MCM6: variants seen among roughly 807,000 people sequenced by gnomAD.
The protein encoded by MCM6 is minichromosome maintenance complex component 6.
A neutral mutation model predicts 94.3 loss-of-function variants in MCM6; 46 were observed. The observed-to-expected ratio is 0.49, with a 90% CI of 0.39 to 0.62. MCM6 has a LOEUF of 0.62. Ranked by LOEUF, MCM6 falls within the 20% of genes least tolerant of loss-of-function variation. The pLI, the probability that MCM6 is intolerant of heterozygous loss-of-function variation, is 0.00. For synonymous variants in MCM6, 335 were observed against 351.9 expected (o/e 0.95, Z 0.54); for missense variants, 865 against 1,017.9 (o/e 0.85, Z 2.04).
At chr2:135,873,083 T>C (rs889230109) in intron 1 of MCM6, among the ~76,000 whole-genome samples, 2 of 152,156 alleles carry the variant, frequency 1.3e-5, no homozygotes, top group Admixed American at 1.3e-4. Flanking sequence ...AATTGAAGCA[T>C]GGGGACAAGT....
At chr2:135,866,033 T>C in intron 6 of MCM6, 99 bp downstream of exon 6, 2 of 1,330,510 alleles carry the variant, frequency 1.5e-6, no homozygotes, top group Non-Finnish European at 1.0e-6. Context: ...GCCCAGAAAG[T>C]GGAGGCTACA....
intron 9 of MCM6, among the ~76,000 whole-genome samples, chr2:135,858,661 T>C (rs887331955): frequency 2.0e-5 from 3 of 152,170 alleles, no homozygotes; most frequent in African/African-American, 7.2e-5. Flanking sequence ...ACCACACAAT[T>C]GACTTAAAAC....
At position 135,870,623 on chromosome 2, in the gene MCM6, ACT is replaced by A. The variant is rs753789170; in HGVS notation, c.255-264_255-263del. ...ACATAAATAATCATACAGCACCCACACTGTTGGCCATTCCTCTGTCCAAGATG... is the reference window on the plus strand; with the variant it reads ...ACATAAATAATCATACAGCACCCACAGTTGGCCATTCCTCTGTCCAAGATG... On this transcript the variant is annotated intron_variant, in intron 2 of 16. Coordinates refer to ENST00000264156, the MANE Select transcript of MCM6 (RefSeq NM_005915.6). Among the ~76,000 whole-genome samples the A allele has an allele frequency of 6.6e-5, 10 of 152,266 alleles. No individual in the cohort carries two copies. In the East Asian group the frequency reaches 1.7e-3, roughly 26 times the overall value.
intron 4 of MCM6, 134 bp downstream of exon 4, chr2:135,868,477 T>C: frequency 1.1e-6 from 1 of 874,518 alleles, no homozygotes; most frequent in Non-Finnish European, 1.8e-6. Context: ...TGGGCTTAAC[T>C]TTGTAGTCAT....
At chr2:135,852,652 GAAAAAA>G (rs368127110) in intron 12 of MCM6, 129 bp downstream of exon 12, 1 of 421,208 alleles carries the variant, frequency 2.4e-6, no homozygotes, top group African/African-American at 2.2e-5. Flanking sequence ...TGCTGTTCCA[GAAAAAA>G]AAAAAAAGTT....
Position 135,844,496 on chromosome 2 carries a change from T to C in MCM6, c.2349+49A>G, listed in dbSNP as rs1679634558. The C allele has an allele frequency of 4.3e-6, 6 of 1,401,136 alleles. No individual in the cohort carries two copies. The East Asian group carries it at 1.1e-4, about 25-fold the overall frequency. 86.8% of individuals were successfully genotyped at this position (1,401,136 alleles called of 1,614,324 possible). On this transcript the variant is annotated intron_variant, in intron 16 of 16. Coordinates refer to ENST00000264156, the MANE Select transcript of MCM6 (RefSeq NM_005915.6). ...CTAGTGAACCTGCAGATACAGGGCA[T>C]GAACTCCCTCCCTCCCTGATACCAG...
At chr2:135,864,069 C>A (rs1680044382) in intron 7 of MCM6, among the ~76,000 whole-genome samples, 1 of 150,680 alleles carries the variant, frequency 6.6e-6, no homozygotes, top group Admixed American at 6.6e-5. Flanking sequence ...TGAGATCACG[C>A]CACTGCACTC....
At chr2:135,870,581 C>T (rs956115472) in intron 2 of MCM6, among the ~76,000 whole-genome samples, 1 of 152,212 alleles carries the variant, frequency 6.6e-6, no homozygotes, top group African/African-American at 2.4e-5. Context: ...TCATACCATA[C>T]CTGATTATCA....
intron 16 of MCM6, 105 bp from the exon 17 acceptor site, chr2:135,841,056 T>C (rs111833971): frequency 3.7e-6 from 3 of 807,006 alleles, no homozygotes; most frequent in Non-Finnish European, 4.1e-6. Context: ...CAACATTTTC[T>C]TTCATTTCCC....
In MCM6 at chr2:135,840,872, T is replaced by C. The variant is rs1679556261; in HGVS notation, c.2429A>G (p.Tyr810Cys). The C allele has an allele frequency of 6.2e-7, 1 of 1,614,130 alleles. No individual in the cohort carries two copies. The change falls in exon 17 of 17, where the codon TAC becomes TGC. Residue 810 changes from tyrosine to cysteine, a missense_variant. Physicochemically the swap from Tyr to Cys is radical, Grantham distance 194 (BLOSUM62 -2). Around this residue, in one of 3 missense-constraint regions of MCM6, gnomAD observed 308 missense variants for 324.5 expected, o/e 0.95. Transcript: ENST00000264156. ...CAAGTAGTTAGGGTTAACTACCAAG[T>C]AGGGATCTTCTTCATAGCTCTCACT... ...EGSESYEEDP[Y>C]LVVNPNYLLE...
intron 15 of MCM6, among the ~76,000 whole-genome samples, chr2:135,845,613 T>G (rs532639175): frequency 1.6e-4 from 25 of 152,344 alleles, no homozygotes; most frequent in African/African-American, 6.0e-4. Context: ...CCTTGGGGCT[T>G]TTAATCAAGA....
Position 135,859,449 on chromosome 2 carries a change from A to C in MCM6, c.1221-7T>G. 1 of 1,602,636 alleles carries C rather than the reference A, an allele frequency of 6.2e-7. No homozygotes were observed. The highest frequency in any genetic ancestry group is 8.5e-7 in the Non-Finnish European group (1 of 1,174,450). ...GCTGAACTCCTCCACGTGCCTGTTCAAGGTTATCACATAAAGACTCATTAA... is the reference window on the plus strand; with the variant it reads ...GCTGAACTCCTCCACGTGCCTGTTCCAGGTTATCACATAAAGACTCATTAA... On this transcript the variant is annotated splice_region_variant and splice_polypyrimidine_tract_variant and intron_variant, in intron 8 of 16. Coordinates refer to ENST00000264156, the MANE Select transcript of MCM6 (RefSeq NM_005915.6).
At chr2:135,866,434 T>G (rs539390650) in intron 5 of MCM6, 129 bp downstream of exon 5, 1 of 1,400,918 alleles carries the variant, frequency 7.1e-7, no homozygotes, top group East Asian at 2.3e-5. Flanking sequence ...TTTGTTTTTA[T>G]TCTCATCACA....
At chr2:135,853,275 T>G (rs1200334636) in intron 11 of MCM6, among the ~76,000 whole-genome samples, 1 of 152,024 alleles carries the variant, frequency 6.6e-6, no homozygotes, top group Non-Finnish European at 1.5e-5. Context: ...ACTGAGACCC[T>G]CCCTGTCTCT....
At position 135,852,855 on chromosome 2, in the gene MCM6, T is replaced by G. The variant is rs756081356; in HGVS notation, c.1687A>C (p.Ile563Leu). ...VDLHSRIEES[I>L]DRVYSLDDIR... ...TCATCGAGGGAATAGACACGATCAA[T>G]TGATTCCTCAATTCTTGAATGCAAA... Residue 563 changes from isoleucine (I) to leucine (L), a missense_variant, in exon 12 of 17, where the codon ATT (isoleucine) becomes CTT (leucine). Around this residue, in one of 3 missense-constraint regions of MCM6, gnomAD observed 308 missense variants for 324.5 expected, o/e 0.95. Coordinates refer to ENST00000264156, the MANE Select transcript of MCM6 (RefSeq NM_005915.6). 11 of 1,611,450 alleles carry G rather than the reference T, an allele frequency of 6.8e-6. No individual in the cohort carries two copies. The highest frequency in any genetic ancestry group is 7.6e-6 in the Non-Finnish European group (9 of 1,178,638).
intron 7 of MCM6, among the ~76,000 whole-genome samples, 169 bp downstream of exon 7, chr2:135,864,844 A>C (rs1680061478): frequency 6.6e-6 from 1 of 152,162 alleles, no homozygotes; most frequent in South Asian, 2.1e-4. Flanking sequence ...TGCACATTAC[A>C]GGTACCTCGT....
chr2:135,857,259 T>C (rs559679188), intron 10 of MCM6, among the ~76,000 whole-genome samples: 1 of 152,202 alleles, frequency 6.6e-6, no homozygotes, highest in African/African-American at 2.4e-5. Flanking sequence ...TGATCTAATA[T>C]GTGCTGGTAA....
At chr2:135,864,710 G>C (rs1369511712) in intron 7 of MCM6, among the ~76,000 whole-genome samples, 2 of 152,078 alleles carry the variant, frequency 1.3e-5, no homozygotes, top group Non-Finnish European at 2.9e-5. Flanking sequence ...TTGTATAACT[G>C]TCACCACTAT....
intron 3 of MCM6, among the ~76,000 whole-genome samples, chr2:135,869,470 C>T (rs1167604700): frequency 6.6e-6 from 1 of 150,528 alleles, no homozygotes; most frequent in South Asian, 2.1e-4. Flanking sequence ...TTTGCTTACC[C>T]GCAATTTCTA....
Sources: allele counts gnomAD v4.1 joint callset (sites outside exome capture counted in the v4.1 genomes callset), GRCh38; gene constraint gnomAD v4.1.1; regional missense constraint gnomAD v4.1.1; transcripts MANE v1.5; gene names NCBI Gene and HGNC (gene_info 2026-07-23, HGNC 2026-07-21).